NSUN7: variants seen among roughly 807,000 people sequenced by gnomAD.
The protein encoded by NSUN7 is protein NSUN7.
NSUN7 carries 39 observed loss-of-function variants against 58.5 expected under a neutral mutation model. The ratio of observed to expected loss-of-function variants is 0.67; its 90% CI spans 0.52 to 0.87. The LOEUF is 0.87. Ranked by LOEUF, NSUN7 falls within the 40% of genes least tolerant of loss-of-function variation. The pLI, the probability that NSUN7 is intolerant of heterozygous loss-of-function variation, is 0.00. For missense variants in NSUN7, 765 were observed against 844.1 expected (o/e 0.91, Z 1.16); for synonymous variants, 278 against 303.7 (o/e 0.92, Z 0.88).
intron 4 of NSUN7, among the ~76,000 whole-genome samples, chr4:40,773,509 C>T (rs1742109474): frequency 6.6e-6 from 1 of 151,890 alleles, no homozygotes; most frequent in Non-Finnish European, 1.5e-5. Flanking sequence ...ATGGCGAAAC[C>T]CCATCTGTAC....
At chr4:40,800,207 A>G (rs1322029289) in intron 10 of NSUN7, among the ~76,000 whole-genome samples, 2 of 152,202 alleles carry the variant, frequency 1.3e-5, no homozygotes, top group African/African-American at 4.8e-5. Flanking sequence ...GTCGTTACTG[A>G]TTGTATTTTC....
chr4:40,757,177 C>T (rs559326163), intron 2 of NSUN7, among the ~76,000 whole-genome samples: 2 of 152,078 alleles, frequency 1.3e-5, no homozygotes, highest in East Asian at 1.9e-4. Context: ...TGCGGTGAGC[C>T]GAGATTGCAC....
chr4:40,810,616 A>G lies in NSUN7; in HGVS notation c.*1677A>G, dbSNP rs1231600053. The G allele has an allele frequency of 6.6e-6, 1 of 151,492 alleles. No homozygotes were observed. Among genetic ancestry groups the G allele is most frequent in the Non-Finnish European group, 1.5e-5 (1 of 67,884 alleles). 9.4% of individuals were successfully genotyped at this position (151,492 alleles called of 1,614,324 possible). A position where few individuals can be genotyped will look rare whatever the true frequency, so the allele number is the denominator to read the frequency against. On this transcript the variant is annotated 3_prime_UTR_variant, in exon 12 of 12. Coordinates refer to ENST00000381782, the MANE Select transcript of NSUN7 (RefSeq NM_024677.6). ...AAAAAAAAAAAGTGTCAATGAAGAAAGGAAACAAGACTTTTTATAGTTGAA... is the reference window on the plus strand; with the variant it reads ...AAAAAAAAAAAGTGTCAATGAAGAAGGGAAACAAGACTTTTTATAGTTGAA...
intron 10 of NSUN7, among the ~76,000 whole-genome samples, chr4:40,806,482 T>C (rs1241253496): frequency 6.6e-6 from 1 of 152,216 alleles, no homozygotes; most frequent in African/African-American, 2.4e-5. Flanking sequence ...GAAATTTTCA[T>C]TTTAAATCTA....
At chr4:40,757,828 G>A (rs1039413163) in intron 2 of NSUN7, among the ~76,000 whole-genome samples, 1 of 151,474 alleles carries the variant, frequency 6.6e-6, no homozygotes, top group African/African-American at 2.4e-5. Flanking sequence ...AAGAGCCCTA[G>A]GGGGAAAAAA....
At chr4:40,787,498 A>G (rs972965700) in intron 7 of NSUN7, among the ~76,000 whole-genome samples, 2 of 152,186 alleles carry the variant, frequency 1.3e-5, no homozygotes, top group Admixed American at 6.5e-5. Context: ...AAAAGATACT[A>G]TGAGCAATTT....
At chr4:40,774,518 A>G in intron 5 of NSUN7, 101 bp downstream of exon 5, 2 of 1,157,584 alleles carry the variant, frequency 1.7e-6, no homozygotes, top group Non-Finnish European at 2.5e-6. Context: ...TGGCACATCT[A>G]GGGGAGTGAT....
chr4:40,762,335 A>G (rs1017674047), intron 4 of NSUN7, among the ~76,000 whole-genome samples: 1 of 152,228 alleles, frequency 6.6e-6, no homozygotes, highest in African/African-American at 2.4e-5. Context: ...AACAACAACA[A>G]TCTTGTAGGA....
At position 40,775,111 on chromosome 4, in the gene NSUN7, A is replaced by G. The variant is rs1742204277; in HGVS notation, c.825+161A>G. ...CTTGAATAAAATTAATACCTCTACA[A>G]TCAGTGCATCTGGTTGGCGTCTTTG... On this transcript the variant is annotated intron_variant, in intron 6 of 11. Transcript: ENST00000381782. This position sits in a 1 kb window ranked among gnomAD's most constrained non-coding sequence, Gnocchi z 4.3. 2.5e-6 allele frequency: 1 copy of G among 396,278 alleles called. No individual in the cohort carries two copies. Among genetic ancestry groups the G allele is most frequent in the Non-Finnish European group, 4.5e-6 (1 of 220,470 alleles). The allele number at this position is 396,278 out of a possible 1,614,324, so 24.5% of individuals were successfully genotyped here.
intron 7 of NSUN7, among the ~76,000 whole-genome samples, chr4:40,783,488 A>AC (rs1171083618): frequency 1.2e-3 from 8 of 6,868 alleles, no homozygotes; most frequent in Admixed American, 4.7e-3. Context: ...AAGCAACAAG[A>AC]AAAAATCGAT....
intron 9 of NSUN7, 125 bp downstream of exon 9, chr4:40,794,601 G>A: frequency 1.9e-6 from 1 of 530,106 alleles, no homozygotes; most frequent in Non-Finnish European, 3.4e-6. Context: ...AGAACATTCA[G>A]TCTTACTGCC....
At chr4:40,776,726 C>T (rs1742288756) in intron 7 of NSUN7, among the ~76,000 whole-genome samples, 1 of 152,088 alleles carries the variant, frequency 6.6e-6, no homozygotes, top group African/African-American at 2.4e-5. Context: ...AGAGGTCCTC[C>T]AACCTCAGCC....
chr4:40,751,961 A>G (rs1740857593), intron 2 of NSUN7, among the ~76,000 whole-genome samples: 1 of 152,100 alleles, frequency 6.6e-6, no homozygotes, highest in Admixed American at 6.5e-5. Flanking sequence ...GTGTCATTGC[A>G]CTCTAACCTG....
chr4:40,774,259 C>T lies in NSUN7; in HGVS notation c.489-6C>T. On this transcript the variant is annotated splice_polypyrimidine_tract_variant and splice_region_variant and intron_variant, in intron 4 of 11. Coordinates refer to ENST00000381782, the MANE Select transcript of NSUN7 (RefSeq NM_024677.6). ...AATAGATTAAGGATGGATTTTCTGT[C>T]TCTAGTTTTAAGATAAAATTGGCTG... The T allele has an allele frequency of 6.2e-7, 1 of 1,613,590 alleles. No homozygotes were observed. The highest frequency in any genetic ancestry group is 8.5e-7 in the Non-Finnish European group (1 of 1,179,594).
intron 7 of NSUN7, among the ~76,000 whole-genome samples, chr4:40,783,251 C>T (rs933160130): frequency 6.6e-6 from 1 of 152,158 alleles, no homozygotes; most frequent in Non-Finnish European, 1.5e-5. Context: ...GTTGCCAAGA[C>T]CATGCAGTGG....
chr4:40,760,407 G>A (rs1741390950), intron 2 of NSUN7, 27 bp from the exon 3 acceptor site: 1 of 1,582,836 alleles, frequency 6.3e-7, no homozygotes, highest in Non-Finnish European at 8.6e-7. Flanking sequence ...TGTATTTTCA[G>A]TAACAGGCCT....
intron 2 of NSUN7, among the ~76,000 whole-genome samples, chr4:40,759,496 C>T (rs1741335916): frequency 6.6e-6 from 1 of 152,194 alleles, no homozygotes; most frequent in African/African-American, 2.4e-5. Context: ...TAGATATGCA[C>T]ATGGCTAACT....
intron 4 of NSUN7, among the ~76,000 whole-genome samples, chr4:40,761,594 G>A (rs954503302): frequency 2.0e-5 from 3 of 152,048 alleles, no homozygotes; most frequent in Admixed American, 1.3e-4. Context: ...ATTTGAAACA[G>A]CTACTAATTG....
At chr4:40,771,162 A>T (rs1168649778) in intron 4 of NSUN7, among the ~76,000 whole-genome samples, 3 of 152,218 alleles carry the variant, frequency 2.0e-5, no homozygotes, top group Admixed American at 1.3e-4. Context: ...GAAGAATTGA[A>T]CATGAGGCTA....
Sources: gnomAD v4.1 joint callset for allele counts (sites outside exome capture counted in the v4.1 genomes callset) on GRCh38, gnomAD v4.1.1 for gene constraint, Gnocchi (gnomAD v3.1) non-coding constraint, MANE v1.5 for transcripts, NCBI Gene and HGNC (gene_info 2026-07-23, HGNC 2026-07-21) for gene names.